The following PID1 variants were observed in gnomAD, a reference collection of about 807,000 sequenced individuals.
The protein encoded by PID1 is phosphotyrosine interaction domain containing 1.
In PID1, 10 loss-of-function variants were observed where a neutral mutation model predicts 19.1. The ratio of observed to expected loss-of-function variants is 0.52; its 90% CI spans 0.32 to 0.89. The LOEUF (loss-of-function observed/expected upper bound fraction) is 0.89. Ranked by LOEUF, PID1 falls within the 40% of genes least tolerant of loss-of-function variation. PID1 has a pLI of 0.03. For missense variants in PID1, 248 were observed against 285.3 expected (o/e 0.87, Z 0.94); for synonymous variants, 130 against 116.0 (o/e 1.12, Z -0.78).
chr2:229,086,910 T>TACACAC (rs3083831), intron 2 of PID1, among the ~76,000 whole-genome samples: 18,414 of 149,934 alleles, frequency 0.12, 1,639 homozygotes, highest in African/African-American at 0.26. Context: ...CACACGTGTG[T>TACACAC]ACACACACAC....
At chr2:229,028,286 T>C (rs1319420749) in intron 2 of PID1, among the ~76,000 whole-genome samples, 2 of 152,220 alleles carry the variant, frequency 1.3e-5, no homozygotes, top group Non-Finnish European at 2.9e-5. Flanking sequence ...ATATACCTTA[T>C]ACACATAGCC....
chr2:229,120,511 T>G (rs993885215), intron 2 of PID1, among the ~76,000 whole-genome samples: 2 of 151,750 alleles, frequency 1.3e-5, no homozygotes, highest in Non-Finnish European at 2.9e-5. Context: ...CTTGCTGTCT[T>G]AGGGGTTGGT....
chr2:229,099,901 C>T (rs1695042679), intron 2 of PID1, among the ~76,000 whole-genome samples: 1 of 151,946 alleles, frequency 6.6e-6, no homozygotes, highest in African/African-American at 2.4e-5. Flanking sequence ...TGTTTGTGTC[C>T]CTCCAAAATT....
intron 2 of PID1, among the ~76,000 whole-genome samples, chr2:229,067,742 C>T (rs769433838): frequency 1.1e-4 from 17 of 152,156 alleles, no homozygotes; most frequent in Non-Finnish European, 1.8e-4. Flanking sequence ...TTAGCCCATC[C>T]ATAGCCTGCA....
chr2:229,140,884 G>T (rs375164995), intron 2 of PID1, among the ~76,000 whole-genome samples: 1 of 151,960 alleles, frequency 6.6e-6, no homozygotes, highest in South Asian at 2.1e-4. Context: ...TATCAGTAGT[G>T]TTTCTTTTGT....
At chr2:229,197,279 AT>A (rs1691398043) in intron 1 of PID1, among the ~76,000 whole-genome samples, 1 of 152,064 alleles carries the variant, frequency 6.6e-6, no homozygotes. Flanking sequence ...TTGATGGTAC[AT>A]AAAACCTTTG....
In PID1 at chr2:229,069,677, C is replaced by T. The variant is rs1040141662; in HGVS notation, c.178-43569G>A. ...GGAGAGGATACAGAATTCAGTAAGACGCTGGTTTTGTATTCTTGGGCGTCA... is the reference window on the plus strand; with the variant it reads ...GGAGAGGATACAGAATTCAGTAAGATGCTGGTTTTGTATTCTTGGGCGTCA... On this transcript the variant is annotated intron_variant, in intron 2 of 2. Transcript: ENST00000392055. Among the ~76,000 whole-genome samples the T allele has an allele frequency of 1.5e-4, 23 of 152,226 alleles. 1 individual carries two copies. Among genetic ancestry groups the T allele is most frequent in the South Asian group, 8.3e-4 (4 of 4,818 alleles).
At chr2:229,205,221 ACAC>A (rs1217822129) in intron 1 of PID1, among the ~76,000 whole-genome samples, 1 of 151,502 alleles carries the variant, frequency 6.6e-6, no homozygotes, top group African/African-American at 2.4e-5. Context: ...TGCTACACAC[ACAC>A]AATCACACAT....
intron 2 of PID1, among the ~76,000 whole-genome samples, chr2:229,060,932 T>A (rs1323305213): frequency 6.6e-6 from 1 of 152,126 alleles, no homozygotes; most frequent in Non-Finnish European, 1.5e-5. Flanking sequence ...TCTATTTAAG[T>A]CACTTGTCCA....
intron 1 of PID1, among the ~76,000 whole-genome samples, chr2:229,226,350 G>C (rs1692077298): frequency 6.6e-6 from 1 of 152,146 alleles, no homozygotes; most frequent in African/African-American, 2.4e-5. Context: ...TTTCCCACTA[G>C]AGCATTTCAT....
At chr2:229,127,804 A>T (rs1695653992) in intron 2 of PID1, among the ~76,000 whole-genome samples, 1 of 152,202 alleles carries the variant, frequency 6.6e-6, no homozygotes, top group Non-Finnish European at 1.5e-5. Context: ...AAAAAGAATA[A>T]TGAACTATTT....
intron 2 of PID1, among the ~76,000 whole-genome samples, chr2:229,129,059 G>A (rs768239437): frequency 4.6e-5 from 7 of 151,908 alleles, no homozygotes; most frequent in South Asian, 2.1e-4. Flanking sequence ...AATAAATAAC[G>A]AGATAAATAA....
intron 2 of PID1, among the ~76,000 whole-genome samples, chr2:229,040,805 A>G (rs993841104): frequency 2.6e-5 from 4 of 152,224 alleles, no homozygotes; most frequent in African/African-American, 7.2e-5. Context: ...TTTATTTATC[A>G]AAGTGCCATA....
chr2:229,098,856 C>T (rs571735061), intron 2 of PID1, among the ~76,000 whole-genome samples: 126 of 152,316 alleles, frequency 8.3e-4, no homozygotes, highest in African/African-American at 2.6e-3. Context: ...AATCTGCTCT[C>T]GCCACGTTCG....
At chr2:229,152,605 A>G (rs939308116) in intron 2 of PID1, among the ~76,000 whole-genome samples, 7 of 151,826 alleles carry the variant, frequency 4.6e-5, no homozygotes, top group African/African-American at 1.5e-4. Flanking sequence ...AACAGCTCCA[A>G]CAAGAGTCCT....
chr2:229,134,252 T>TTTTTTTTTTTTTTTTTTTG, intron 2 of PID1, among the ~76,000 whole-genome samples: 1 of 91,192 alleles, frequency 1.1e-5, no homozygotes, highest in South Asian at 4.1e-4. Context: ...TTTTTTTTTT[T>TTTTTTTTTTTTTTTTTTTG]GAGACAGAGT....
rs1307001982 is a variant in PID1 at position 229,184,480 on chromosome 2, TATATATATATACC to T, written c.31-28529_31-28517del. On this transcript the variant is annotated intron_variant, in intron 1 of 2. Transcript: ENST00000392055. ...ATATAGCCCGTATATATATATCCCG[TATATATATATACC>T]GTATATATATATATCCCGTATATAT... Among the ~76,000 whole-genome samples the T allele has an allele frequency of 2.3e-3, 43 of 18,298 alleles. 21 individuals carry two copies. The highest frequency in any genetic ancestry group is 0.017 in the East Asian group (10 of 572). 12.0% of individuals were successfully genotyped at this position (18,298 alleles called of 152,430 possible).
At chr2:229,169,900 A>C (rs1376364114) in intron 1 of PID1, among the ~76,000 whole-genome samples, 1 of 152,180 alleles carries the variant, frequency 6.6e-6, no homozygotes, top group Non-Finnish European at 1.5e-5. Context: ...TAAAGCCCAG[A>C]GAAGTGAAGC....
At chr2:229,090,960 C>T (rs13390866) in intron 2 of PID1, among the ~76,000 whole-genome samples, 23,492 of 152,054 alleles carry the variant, frequency 0.15, 2,053 homozygotes, top group African/African-American at 0.22. Flanking sequence ...TTGTTTACCA[C>T]GTTTGAAATC....
Sources: gnomAD v4.1 joint callset for allele counts (sites outside exome capture counted in the v4.1 genomes callset) on GRCh38, gnomAD v4.1.1 for gene constraint, MANE v1.5 for transcripts, NCBI Gene and HGNC (gene_info 2026-07-23, HGNC 2026-07-21) for gene names.